Variants in TRPC5 observed in about 807,000 individuals in gnomAD.
TRPC5 encodes transient receptor potential cation channel subfamily C member 5, also known as short transient receptor potential channel 5.
In TRPC5, 9 loss-of-function variants were observed where a neutral mutation model predicts 56.5. The observed-to-expected ratio is 0.16, with a 90% CI of 0.10 to 0.28. TRPC5 has a LOEUF of 0.28. Ranked by LOEUF, TRPC5 falls within the 10% of genes least tolerant of loss-of-function variation. The probability of loss-of-function intolerance (pLI) is 1.00; values close to 1 mark genes in which losing one functional copy is unlikely to be tolerated. For synonymous variants in TRPC5, 282 were observed against 278.5 expected, an observed-to-expected ratio of 1.01 and a Z score of -0.13; for missense variants, 469 against 748.9, an observed-to-expected ratio of 0.63 and a Z score of 4.36.
At chrX:112,040,736 T>C (rs1351745200) in intron 1 of TRPC5, among the ~76,000 whole-genome samples, 1 of 111,780 alleles carries the variant, frequency 8.9e-6, no homozygotes, top group South Asian at 3.8e-4. Flanking sequence ...TGCAACTCGG[T>C]TTTCTTACTG....
rs750050066 is a variant in TRPC5, at chrX:111,827,048, G to A, written c.1896+7873C>T. ...TAGAGGTTCTGTGTGTGGGTCTTGG[G>A]GTTAGACTACCTCAATTTAAATCCA... On this transcript the variant is annotated intron_variant, in intron 7 of 10. Transcript: ENST00000262839. 9.0e-5 allele frequency among the ~76,000 whole-genome samples: 10 copies of A among 111,032 alleles called. No homozygotes were observed. The East Asian group carries it at 2.6e-3, about 29-fold the overall frequency.
intron 7 of TRPC5, among the ~76,000 whole-genome samples, chrX:111,811,712 TG>T (rs1222755683): frequency 9.0e-6 from 1 of 110,853 alleles, no homozygotes; most frequent in Non-Finnish European, 1.9e-5. Flanking sequence ...ACAGTAAAAA[TG>T]GGGGGAAATA....
At chrX:111,867,083 A>G (rs1183302054) in intron 3 of TRPC5, among the ~76,000 whole-genome samples, 1 of 111,631 alleles carries the variant, frequency 9.0e-6, no homozygotes, top group Non-Finnish European at 1.9e-5. Context: ...TAACAGGACA[A>G]TAATGTTTGT....
At chrX:111,896,344 G>A (rs1421666090) in intron 3 of TRPC5, 1 of 108,226 alleles carries the variant, frequency 9.2e-6, no homozygotes, top group East Asian at 2.9e-4. Context: ...TAAACCTATC[G>A]ATTTCGCAAT....
rs770776425 is a variant in TRPC5, at chrX:111,912,916, C to T, written c.379-104G>A. On this transcript the variant is annotated intron_variant, in intron 2 of 10. Transcript: ENST00000262839. The stretch of plus-strand genomic sequence containing the variant: ...CGATTCAGGAATTAGAGTCTCCATT[C>T]TTGTTTCAATTCTTTTGACCTCCTA... The T allele has an allele frequency of 3.9e-5, 35 of 906,743 alleles. 1 individual carries two copies. The East Asian group carries it at 1.0e-3, about 27-fold the overall frequency. 74.7% of individuals were successfully genotyped at this position (906,743 alleles called of 1,213,427 possible).
chrX:111,999,104 C>T (rs902821825), intron 1 of TRPC5, among the ~76,000 whole-genome samples: 6 of 110,753 alleles, frequency 5.4e-5, no homozygotes, highest in Admixed American at 3.8e-4. Flanking sequence ...GTGCCCCAAC[C>T]CCTGACAGTT....
Position 111,861,421 on chromosome X carries a change from T to A in TRPC5, c.901-7315A>T, listed in dbSNP as rs1923401996. ...TGCTTAAACCATCCACTTTATTTTA[T>A]TTAATTTTAAGACAATTTTTTATTT... On this transcript the variant is annotated intron_variant, in intron 3 of 10. Coordinates refer to ENST00000262839, the MANE Select transcript of TRPC5 (RefSeq NM_012471.3). 3.6e-5 allele frequency among the ~76,000 whole-genome samples: 4 copies of A among 112,363 alleles called. No individual in the cohort carries two copies. In the South Asian group the frequency reaches 1.1e-3, roughly 30 times the overall value.
intron 1 of TRPC5, among the ~76,000 whole-genome samples, chrX:112,031,654 CATAG>C (rs1410598622): frequency 4.6e-5 from 5 of 108,859 alleles, no homozygotes; most frequent in East Asian, 5.7e-4. Flanking sequence ...TAGATATAGA[CATAG>C]ATAAATAGAT....
intron 1 of TRPC5, among the ~76,000 whole-genome samples, chrX:111,980,787 T>C (rs914020120): frequency 9.2e-6 from 1 of 108,455 alleles, no homozygotes; most frequent in African/African-American, 3.3e-5. Flanking sequence ...TCATTATTAT[T>C]TCTAAATTGT....
At chrX:112,081,034 T>C (rs1930951832) in intron 1 of TRPC5, among the ~76,000 whole-genome samples, 1 of 112,181 alleles carries the variant, frequency 8.9e-6, no homozygotes, top group African/African-American at 3.2e-5. Context: ...TTCAGGCTGG[T>C]TTCCCCGCTT....
chrX:111,842,136 A>ATATATATAT (rs1556566937), intron 6 of TRPC5, among the ~76,000 whole-genome samples: 1 of 89,109 alleles, frequency 1.1e-5, no homozygotes, highest in African/African-American at 5.9e-5. Flanking sequence ...ATATATGTAT[A>ATATATATAT]TATATATATA....
chrX:111,905,640 C>T (rs971024960), intron 3 of TRPC5, among the ~76,000 whole-genome samples: 19 of 111,734 alleles, frequency 1.7e-4, no homozygotes, highest in Admixed American at 5.7e-4. Context: ...GGCGGCCGGA[C>T]GCGGTGGCTC....
chrX:112,021,279 T>A (rs780499426), intron 1 of TRPC5, among the ~76,000 whole-genome samples: 1 of 111,537 alleles, frequency 9.0e-6, no homozygotes, highest in African/African-American at 3.3e-5. Context: ...TCAAATGATG[T>A]CCACTATGTC....
At chrX:111,839,092 C>T (rs917051951) in intron 6 of TRPC5, among the ~76,000 whole-genome samples, 1 of 111,905 alleles carries the variant, frequency 8.9e-6, no homozygotes, top group African/African-American at 3.3e-5. Context: ...CCACAGTTCC[C>T]TGGACCTGCT....
chrX:112,049,565 C>T (rs974668564), intron 1 of TRPC5, among the ~76,000 whole-genome samples: 6 of 107,983 alleles, frequency 5.6e-5, no homozygotes, highest in East Asian at 2.8e-4. Flanking sequence ...GACAGGATCT[C>T]GCTATGTTGC....
At chrX:111,777,254 TC>T (rs1945886163) in intron 10 of TRPC5, among the ~76,000 whole-genome samples, 1 of 111,611 alleles carries the variant, frequency 9.0e-6, no homozygotes, top group African/African-American at 3.3e-5. Flanking sequence ...CAGGGATTAG[TC>T]TGTTGAGGTG....
intron 7 of TRPC5, among the ~76,000 whole-genome samples, chrX:111,793,579 G>A (rs944464855): frequency 9.0e-6 from 1 of 111,370 alleles, no homozygotes; most frequent in South Asian, 3.8e-4. Context: ...TACATAAATT[G>A]GTCCCCTCAT....
At chrX:112,006,976 C>T (rs1928861318) in intron 1 of TRPC5, among the ~76,000 whole-genome samples, 2 of 111,049 alleles carry the variant, frequency 1.8e-5, no homozygotes. Context: ...TATGAGCCTG[C>T]TCAGATAGCA....
At chrX:112,078,175 C>T (rs547059484) in intron 1 of TRPC5, among the ~76,000 whole-genome samples, 2 of 111,789 alleles carry the variant, frequency 1.8e-5, no homozygotes, top group African/African-American at 6.5e-5. Flanking sequence ...GCTATAGACA[C>T]ATATAATGTT....
Sources: allele counts gnomAD v4.1 joint callset (sites outside exome capture counted in the v4.1 genomes callset), GRCh38; gene constraint gnomAD v4.1.1; transcripts MANE v1.5; gene names NCBI Gene and HGNC (gene_info 2026-07-23, HGNC 2026-07-21).